DGKB: variants seen among roughly 807,000 people sequenced by gnomAD.
The protein encoded by DGKB is diacylglycerol kinase beta.
A neutral mutation model predicts 114.3 loss-of-function variants in DGKB; 67 were observed. The ratio of observed to expected loss-of-function variants is 0.59; its 90% CI spans 0.48 to 0.72. The LOEUF (loss-of-function observed/expected upper bound fraction) is 0.72. Ranked by LOEUF, DGKB falls within the 30% of genes least tolerant of loss-of-function variation. The pLI is 0.00. For synonymous variants in DGKB, 398 were observed against 323.1 expected (o/e 1.23, Z -2.49); for missense variants, 907 against 975.2 (o/e 0.93, Z 0.93).
At chr7:14,253,308 A>AG (rs1423747817) in intron 23 of DGKB, among the ~76,000 whole-genome samples, 2 of 152,142 alleles carry the variant, frequency 1.3e-5, no homozygotes, top group Non-Finnish European at 2.9e-5. Context: ...CTGGGATTAT[A>AG]GGCATGAGCC....
At chr7:14,493,645 T>G (rs972822337) in intron 20 of DGKB, among the ~76,000 whole-genome samples, 2 of 152,012 alleles carry the variant, frequency 1.3e-5, no homozygotes, top group Non-Finnish European at 2.9e-5. Flanking sequence ...GACAAAGGGA[T>G]GATTCAAGAC....
chr7:14,155,821 G>T (rs540396502), intron 25 of DGKB, among the ~76,000 whole-genome samples: 1 of 152,098 alleles, frequency 6.6e-6, no homozygotes, highest in East Asian at 1.9e-4. Context: ...TGAAAACCAG[G>T]AAGTTGGTGA....
At chr7:14,891,637 T>C (rs796392313) in intron 1 of DGKB, among the ~76,000 whole-genome samples, 1 of 151,428 alleles carries the variant, frequency 6.6e-6, no homozygotes, top group Non-Finnish European at 1.5e-5. Context: ...TAGAGAGAAG[T>C]AGGGTTAACG....
intron 20 of DGKB, among the ~76,000 whole-genome samples, chr7:14,559,066 G>A (rs1211395509): frequency 6.6e-6 from 1 of 152,294 alleles, no homozygotes; most frequent in East Asian, 1.9e-4. Flanking sequence ...TGTGAAATGT[G>A]CTAGGATGTG....
chr7:14,178,716 T>C (rs1352731129), intron 23 of DGKB, among the ~76,000 whole-genome samples: 1 of 152,180 alleles, frequency 6.6e-6, no homozygotes, highest in African/African-American at 2.4e-5. Flanking sequence ...GAAACAATAG[T>C]AATTTTGTGA....
intron 1 of DGKB, among the ~76,000 whole-genome samples, chr7:14,908,566 T>C (rs1465568345): frequency 2.6e-5 from 4 of 152,200 alleles, no homozygotes; most frequent in Admixed American, 6.6e-5. Context: ...TTAAATCTGT[T>C]TATATTGTTT....
intron 23 of DGKB, among the ~76,000 whole-genome samples, chr7:14,324,645 C>A (rs893840515): frequency 9.9e-5 from 15 of 152,024 alleles, no homozygotes; most frequent in African/African-American, 3.6e-4. Flanking sequence ...AATAATTATA[C>A]TTTCTACATT....
rs577595271 is a variant in DGKB, at chr7:14,663,389, C to A, written c.1134+9540G>T. Among the ~76,000 whole-genome samples, 146 of 152,086 alleles carry A rather than the reference C, an allele frequency of 9.6e-4. 1 individual carries two copies. The highest frequency in any genetic ancestry group is 3.4e-3 in the African/African-American group (142 of 41,530). Reference sequence around the variant, plus strand: ...TGTTTAGGTCTCTTGCCCTTTTCAACTGAATTGTTTGTTTATTATTGATCT... The same window carrying A: ...TGTTTAGGTCTCTTGCCCTTTTCAAATGAATTGTTTGTTTATTATTGATCT... On this transcript the variant is annotated intron_variant, in intron 13 of 25. Coordinates refer to ENST00000402815, the MANE Select transcript of DGKB (RefSeq NM_001350709.2).
At chr7:14,878,610 G>T (rs925379356) in intron 1 of DGKB, among the ~76,000 whole-genome samples, 1 of 151,662 alleles carries the variant, frequency 6.6e-6, no homozygotes, top group African/African-American at 2.4e-5. Context: ...TTAGCTGGGC[G>T]TAGTGGCGGG....
At chr7:14,735,261 A>G (rs1434334173) in intron 5 of DGKB, among the ~76,000 whole-genome samples, 1 of 152,112 alleles carries the variant, frequency 6.6e-6, no homozygotes, top group Non-Finnish European at 1.5e-5. Context: ...ACAAAAGTCC[A>G]AGGGCTAGGT....
intron 20 of DGKB, among the ~76,000 whole-genome samples, chr7:14,525,354 C>T (rs954899340): frequency 1.3e-5 from 2 of 152,122 alleles, no homozygotes; most frequent in African/African-American, 4.8e-5. Context: ...GCATATGTGA[C>T]CTTAGTTGCA....
intron 1 of DGKB, among the ~76,000 whole-genome samples, chr7:14,972,981 T>C (rs1236084847): frequency 6.6e-6 from 1 of 152,020 alleles, no homozygotes; most frequent in Non-Finnish European, 1.5e-5. Context: ...TTGTATTATA[T>C]GATAAAAATA....
rs944395682 is a variant in DGKB at position 14,259,450 on chromosome 7, G to A, written c.2122+79065C>T. Among the ~76,000 whole-genome samples, 31 of 145,232 alleles carry A rather than the reference G, an allele frequency of 2.1e-4. No homozygotes were observed. In the East Asian group the frequency reaches 3.1e-3, roughly 15 times the overall value. Reference sequence around the variant, plus strand: ...ATATGGTTTTGTTTTGTTATAAGACGGAGTCTTGCTCTGTCACGCAGGCTG... The same window carrying A: ...ATATGGTTTTGTTTTGTTATAAGACAGAGTCTTGCTCTGTCACGCAGGCTG... On this transcript the variant is annotated intron_variant, in intron 23 of 25. Transcript: ENST00000402815.
At chr7:14,967,781 C>A (rs1391094249) in intron 1 of DGKB, among the ~76,000 whole-genome samples, 1 of 148,184 alleles carries the variant, frequency 6.7e-6, no homozygotes, top group Non-Finnish European at 1.5e-5. Context: ...AATATTTTTA[C>A]TGAATTGTTT....
intron 23 of DGKB, among the ~76,000 whole-genome samples, chr7:14,325,370 T>C (rs1029896643): frequency 2.0e-5 from 3 of 152,104 alleles, no homozygotes; most frequent in African/African-American, 7.2e-5. Context: ...CGATGGTAGA[T>C]GTGCAACTGA....
At chr7:14,684,308 T>C (rs548408300) in intron 10 of DGKB, among the ~76,000 whole-genome samples, 1 of 152,062 alleles carries the variant, frequency 6.6e-6, no homozygotes, top group South Asian at 2.1e-4. Context: ...AAACCATGGA[T>C]GGTATTGGAA....
At chr7:14,767,023 T>A (rs1332136156) in intron 2 of DGKB, among the ~76,000 whole-genome samples, 4 of 150,994 alleles carry the variant, frequency 2.6e-5, no homozygotes, top group African/African-American at 9.7e-5. Flanking sequence ...GAAAATATGA[T>A]GAGAGGAATG....
At chr7:14,663,838 C>G (rs1020380723) in intron 13 of DGKB, among the ~76,000 whole-genome samples, 1 of 151,788 alleles carries the variant, frequency 6.6e-6, no homozygotes, top group African/African-American at 2.4e-5. Context: ...TTATCCTTTT[C>G]CTTTCTAAAT....
intron 20 of DGKB, among the ~76,000 whole-genome samples, chr7:14,495,902 T>C (rs1785236914): frequency 6.6e-6 from 1 of 151,772 alleles, no homozygotes; most frequent in Admixed American, 6.6e-5. Context: ...TAATTGCAAA[T>C]TTGTTGCTAA....
Sources: gnomAD v4.1 joint callset for allele counts (sites outside exome capture counted in the v4.1 genomes callset) on GRCh38, gnomAD v4.1.1 for gene constraint, MANE v1.5 for transcripts, NCBI Gene and HGNC (gene_info 2026-07-23, HGNC 2026-07-21) for gene names.